The following GRIN2B variants were observed in gnomAD, a reference collection of about 807,000 sequenced individuals.
The protein encoded by GRIN2B is glutamate ionotropic receptor NMDA type subunit 2B.
A neutral mutation model predicts 114.5 loss-of-function variants in GRIN2B; 5 were observed. The observed-to-expected ratio is 0.04, with a 90% CI of 0.02 to 0.09. The LOEUF (loss-of-function observed/expected upper bound fraction) is 0.09, where lower values mean the gene tolerates loss of function less well. Among genes scored for constraint, GRIN2B ranks in the 10% least tolerant of loss-of-function variants. The pLI is 1.00. For missense variants in GRIN2B, 1,108 were observed against 1,943.5 expected (o/e 0.57, Z 8.08); for synonymous variants, 787 against 745.1 (o/e 1.06, Z -0.92).
At chr12:13,870,407 G>T (rs375564702) in intron 2 of GRIN2B, among the ~76,000 whole-genome samples, 1 of 152,080 alleles carries the variant, frequency 6.6e-6, no homozygotes, top group Non-Finnish European at 1.5e-5. Flanking sequence ...TGGGCTAAGT[G>T]ATCCCGAGAT....
At chr12:13,844,166 C>CA (rs1280632947) in intron 3 of GRIN2B, among the ~76,000 whole-genome samples, 2 of 152,178 alleles carry the variant, frequency 1.3e-5, no homozygotes, top group African/African-American at 4.8e-5. Flanking sequence ...TTTTTCTTCC[C>CA]CAGGAGGGGA....
In GRIN2B at chr12:13,617,648, C is replaced by T. The variant is rs533018654; in HGVS notation, c.1126-991G>A. On this transcript the variant is annotated intron_variant, in intron 5 of 13. Transcript: ENST00000609686. ...TCTATAACTGAGCATCTTCAATTAT[C>T]GTAAGGAATTATGGATTGCAAGCAC... Among the ~76,000 whole-genome samples, 16 of 152,284 alleles carry T rather than the reference C, an allele frequency of 1.1e-4. No homozygotes were observed. The South Asian group carries it at 1.7e-3, about 16-fold the overall frequency.
At chr12:13,752,920 C>T (rs1337288023) in intron 4 of GRIN2B, among the ~76,000 whole-genome samples, 1 of 152,200 alleles carries the variant, frequency 6.6e-6, no homozygotes, top group African/African-American at 2.4e-5. Context: ...GTAGTACTTA[C>T]AGATCAGAGA....
rs200652708 is a variant in GRIN2B, at chr12:13,908,312, T to A, written c.-18-42086A>T. 3.3e-5 allele frequency among the ~76,000 whole-genome samples: 5 copies of A among 152,150 alleles called. No homozygotes were observed. In the East Asian group the frequency reaches 7.7e-4, roughly 23 times the overall value. On this transcript the variant is annotated intron_variant, in intron 2 of 13. Coordinates refer to ENST00000609686, the MANE Select transcript of GRIN2B (RefSeq NM_000834.5). ...CCTGGAAACTGTTGTTAAACATGTATACTATCTTGAGACAATTGAGACTGT... is the reference window on the plus strand; with the variant it reads ...CCTGGAAACTGTTGTTAAACATGTAAACTATCTTGAGACAATTGAGACTGT...
intron 2 of GRIN2B, among the ~76,000 whole-genome samples, chr12:13,965,760 T>C (rs1867780886): frequency 6.6e-6 from 1 of 152,212 alleles, no homozygotes; most frequent in Non-Finnish European, 1.5e-5. Flanking sequence ...ATATGCTTTA[T>C]TGTGGAAATT....
At chr12:13,817,794 A>T (rs1212842145) in intron 3 of GRIN2B, among the ~76,000 whole-genome samples, 2 of 152,222 alleles carry the variant, frequency 1.3e-5, no homozygotes, top group African/African-American at 4.8e-5. Flanking sequence ...CTTCTGGGTC[A>T]AACAACTAAA....
At chr12:13,638,348 T>C (rs1949683879) in intron 5 of GRIN2B, among the ~76,000 whole-genome samples, 2 of 152,144 alleles carry the variant, frequency 1.3e-5, no homozygotes, top group Admixed American at 1.3e-4. Context: ...TTGAGCTCAG[T>C]GATTTTTGTT....
chr12:13,721,333 T>G (rs78761627), intron 4 of GRIN2B, among the ~76,000 whole-genome samples: 13,681 of 151,912 alleles, frequency 0.09, 781 homozygotes, highest in East Asian at 0.26. Flanking sequence ...AAAATTTTGA[T>G]GTGATCATCT....
intron 4 of GRIN2B, among the ~76,000 whole-genome samples, chr12:13,693,322 A>G (rs956335363): frequency 1.3e-5 from 2 of 152,190 alleles, no homozygotes; most frequent in Non-Finnish European, 2.9e-5. Flanking sequence ...GGACATTTAA[A>G]ATTACCCAGC....
intron 3 of GRIN2B, among the ~76,000 whole-genome samples, chr12:13,841,774 T>C (rs1262909368): frequency 6.6e-6 from 1 of 152,224 alleles, no homozygotes; most frequent in Non-Finnish European, 1.5e-5. Context: ...TGTATTGGGT[T>C]GTTGACACAG....
At chr12:13,727,089 A>G (rs115305515) in intron 4 of GRIN2B, among the ~76,000 whole-genome samples, 1,776 of 152,246 alleles carry the variant, frequency 0.012, 33 homozygotes, top group African/African-American at 0.041. Context: ...AGCAACCAGA[A>G]AGCGGCAGAG....
intron 5 of GRIN2B, among the ~76,000 whole-genome samples, chr12:13,619,319 T>C (rs1591645113): frequency 1.3e-5 from 2 of 152,306 alleles, no homozygotes; most frequent in Admixed American, 6.5e-5. Flanking sequence ...ATCAGCAGTC[T>C]ACAAAAGCTA....
chr12:13,732,279 A>G (rs949749131), intron 4 of GRIN2B, among the ~76,000 whole-genome samples: 1 of 152,200 alleles, frequency 6.6e-6, no homozygotes, highest in African/African-American at 2.4e-5. Context: ...TGCCTTTCAA[A>G]AGAACAACTC....
intron 3 of GRIN2B, among the ~76,000 whole-genome samples, chr12:13,842,411 G>A (rs1422829264): frequency 1.3e-5 from 2 of 152,080 alleles, no homozygotes; most frequent in East Asian, 1.9e-4. Flanking sequence ...GCTCACTGCC[G>A]CAAACTTTTC....
intron 5 of GRIN2B, among the ~76,000 whole-genome samples, chr12:13,627,317 A>C (rs961012011): frequency 6.6e-6 from 1 of 152,142 alleles, no homozygotes; most frequent in Admixed American, 6.5e-5. Flanking sequence ...AAGCTGGTTC[A>C]AGTTGGGTGT....
At chr12:13,951,652 C>A (rs1867481236) in intron 2 of GRIN2B, among the ~76,000 whole-genome samples, 3 of 152,204 alleles carry the variant, frequency 2.0e-5, no homozygotes. Flanking sequence ...CAGGCTCCCA[C>A]ACACACTGTA....
intron 3 of GRIN2B, among the ~76,000 whole-genome samples, chr12:13,850,917 GAAT>G (rs1388026370): frequency 1.3e-5 from 2 of 152,140 alleles, no homozygotes; most frequent in African/African-American, 4.8e-5. Context: ...AAAAGAAGGA[GAAT>G]AATACTACTG....
intron 3 of GRIN2B, among the ~76,000 whole-genome samples, chr12:13,832,227 T>TA (rs1440584277): frequency 6.6e-5 from 10 of 152,222 alleles, no homozygotes; most frequent in Non-Finnish European, 1.2e-4. Context: ...AAAGAATTAT[T>TA]AAAAAGATAC....
intron 4 of GRIN2B, among the ~76,000 whole-genome samples, chr12:13,679,696 G>C (rs1382160594): frequency 6.6e-6 from 1 of 152,150 alleles, no homozygotes; most frequent in Non-Finnish European, 1.5e-5. Context: ...AGCCATTACT[G>C]AGGAGCATGC....
Sources: gnomAD v4.1 joint callset for allele counts (sites outside exome capture counted in the v4.1 genomes callset) on GRCh38, gnomAD v4.1.1 for gene constraint, MANE v1.5 for transcripts, NCBI Gene and HGNC (gene_info 2026-07-23, HGNC 2026-07-21) for gene names.